The following MYLK variants were observed in gnomAD, a reference collection of about 807,000 sequenced individuals.
MYLK encodes the protein myosin light chain kinase, also known as myosin light chain kinase, smooth muscle.
A neutral mutation model predicts 203.4 loss-of-function variants in MYLK; 106 were observed. The ratio of observed to expected loss-of-function variants is 0.52; its 90% CI spans 0.45 to 0.61. The LOEUF (loss-of-function observed/expected upper bound fraction) is 0.61, where lower values mean the gene tolerates loss of function less well. Among genes scored for constraint, MYLK ranks in the 20% least tolerant of loss-of-function variants. The pLI, the probability that MYLK is intolerant of heterozygous loss-of-function variation, is 0.00. For synonymous variants in MYLK, 867 were observed against 959.5 expected, an observed-to-expected ratio of 0.90 and a Z score of 1.78; for missense variants, 2,072 against 2,442.3, an observed-to-expected ratio of 0.85 and a Z score of 3.20.
At chr3:123,764,718 G>A (rs905241888) in intron 4 of MYLK, among the ~76,000 whole-genome samples, 2 of 152,190 alleles carry the variant, frequency 1.3e-5, no homozygotes, top group African/African-American at 4.8e-5. Flanking sequence ...AGGAGGAGAG[G>A]GGTCTGGGGC....
At chr3:123,770,166 A>C (rs1389646872) in intron 4 of MYLK, among the ~76,000 whole-genome samples, 1 of 151,754 alleles carries the variant, frequency 6.6e-6, no homozygotes, top group Non-Finnish European at 1.5e-5. Flanking sequence ...CAAAAAAAAA[A>C]AAAAAAAATT....
intron 3 of MYLK, among the ~76,000 whole-genome samples, chr3:123,818,950 C>G (rs907297807): frequency 5.9e-5 from 9 of 152,164 alleles, no homozygotes; most frequent in Non-Finnish European, 7.3e-5. Context: ...AGTCCTCCAC[C>G]TAGATATTCC....
chr3:123,737,516 G>C lies in MYLK; in HGVS notation c.616C>G (p.Arg206Gly). The change falls in exon 8 of 34, where the codon CGT (arginine) becomes GGT (glycine). Residue 206 changes from arginine (R) to glycine (G), a missense_variant. This residue lies in a region of MYLK where 683 missense variants were observed against 643.8 expected (regional missense o/e 1.06). Coordinates refer to ENST00000360304, the MANE Select transcript of MYLK (RefSeq NM_053025.4). ...KGNVPLQPSARVSVSEKNGMQ... is the reference protein window; with the variant it reads ...KGNVPLQPSAGVSVSEKNGMQ... ...CCGTTCTTCTCAGACACAGACACACGGGCACTCGGCTGCAGTGGAACATTT... is the reference window on the plus strand; with the variant it reads ...CCGTTCTTCTCAGACACAGACACACCGGCACTCGGCTGCAGTGGAACATTT... The C allele has an allele frequency of 6.2e-7, 1 of 1,614,104 alleles. No homozygotes were observed. Among genetic ancestry groups the C allele is most frequent in the Non-Finnish European group, 8.5e-7 (1 of 1,180,024 alleles).
chr3:123,666,774 C>G (rs2059748435), intron 21 of MYLK: 1 of 519,018 alleles, frequency 1.9e-6, no homozygotes, highest in South Asian at 2.3e-5. Context: ...CAAGGACACA[C>G]AGAGCTGGGC....
At chr3:123,810,366 T>C (rs561939164) in intron 3 of MYLK, among the ~76,000 whole-genome samples, 1 of 152,280 alleles carries the variant, frequency 6.6e-6, no homozygotes, top group Admixed American at 6.5e-5. Flanking sequence ...AAGAGTTCAA[T>C]CTGCATCTCC....
In MYLK at chr3:123,629,586, C is replaced by T. The variant is rs750437332; in HGVS notation, c.5002G>A (p.Glu1668Lys). Residue 1668 changes from glutamate (E) to lysine (K), a missense_variant, in exon 30 of 34, where the codon GAA (glutamate) becomes AAA (lysine). By Grantham distance (56) the Glu-to-Lys change is moderately conservative (BLOSUM62 1). This residue lies in a region of MYLK where 524 missense variants were observed against 782.4 expected (regional missense o/e 0.67). Transcript: ENST00000360304. The surrounding 1 kb of genome is among the most constrained non-coding windows in gnomAD (Gnocchi z 4.4). ...GCTGAGGTAACGTTGGCCAAGGTTT[C>T]GTTATCGTTGTCTCCCATGAAGGGG... ...LSPFMGDNDN[E>K]TLANVTSATW... 9.9e-6 allele frequency: 16 copies of T among 1,613,996 alleles called. No individual in the cohort carries two copies. The highest frequency in any genetic ancestry group is 8.0e-5 in the African/African-American group (6 of 74,910).
At chr3:123,663,403 G>A (rs966442835) in intron 23 of MYLK, among the ~76,000 whole-genome samples, 1 of 152,108 alleles carries the variant, frequency 6.6e-6, no homozygotes, top group South Asian at 2.1e-4. Context: ...AATGGGGCGT[G>A]GGGGTGAGGC....
At chr3:123,823,699 C>T (rs562690544) in intron 3 of MYLK, among the ~76,000 whole-genome samples, 2 of 151,754 alleles carry the variant, frequency 1.3e-5, no homozygotes, top group Admixed American at 1.3e-4. Flanking sequence ...CCACTTAACA[C>T]CCTCCAATGG....
chr3:123,681,916 G>A (rs1378718303), intron 20 of MYLK: 3 of 431,956 alleles, frequency 6.9e-6, no homozygotes, highest in Non-Finnish European at 1.3e-5. Context: ...CTCTCCTAGA[G>A]TCTTGGTGGG....
At position 123,648,169 on chromosome 3, in the gene MYLK, G is replaced by A. The variant is rs1384262548; in HGVS notation, c.4416-742C>T. Among the ~76,000 whole-genome samples the A allele has an allele frequency of 1.3e-5, 2 of 152,158 alleles. No individual in the cohort carries two copies. The highest frequency in any genetic ancestry group is 2.4e-5 in the African/African-American group (1 of 41,426). On this transcript the variant is annotated intron_variant, in intron 26 of 33. Coordinates refer to ENST00000360304, the MANE Select transcript of MYLK (RefSeq NM_053025.4). The surrounding 1 kb of genome is among the most constrained non-coding windows in gnomAD (Gnocchi z 4.5). ...AGAAACCACTGGAAATACAAGTGGA[G>A]TCCCACTCCTTTCTCTCCCACCTCT... is the stretch of plus-strand genomic sequence containing the variant.
chr3:123,751,173 C>G (rs942000012), intron 5 of MYLK, among the ~76,000 whole-genome samples: 5 of 152,168 alleles, frequency 3.3e-5, no homozygotes, highest in Non-Finnish European at 5.9e-5. Context: ...CGGGAAGGGT[C>G]AAGGGAACCT....
chr3:123,694,436 A>C (rs1413951220), intron 18 of MYLK, among the ~76,000 whole-genome samples: 1 of 152,150 alleles, frequency 6.6e-6, no homozygotes. Context: ...TCCTGGAGAG[A>C]GAACTTTCCA....
At chr3:123,711,215 G>A (rs1311899476) in intron 13 of MYLK, among the ~76,000 whole-genome samples, 1 of 152,172 alleles carries the variant, frequency 6.6e-6, no homozygotes, top group Non-Finnish European at 1.5e-5. Context: ...CAGGGGACGG[G>A]GGGTTGGATT....
chr3:123,741,418 G>C (rs754514729), intron 5 of MYLK, among the ~76,000 whole-genome samples: 2 of 152,190 alleles, frequency 1.3e-5, no homozygotes, highest in Non-Finnish European at 2.9e-5. Flanking sequence ...ATTCCTGAAA[G>C]TGTTTTGGTT....
rs1462137692 is a variant in MYLK at position 123,745,053 on chromosome 3, C to A, written c.374-5052G>T. Among the ~76,000 whole-genome samples the A allele has an allele frequency of 2.0e-5, 3 of 151,942 alleles. No homozygotes were observed. The East Asian group carries it at 5.8e-4, about 29-fold the overall frequency. On this transcript the variant is annotated intron_variant, in intron 5 of 33. Transcript: ENST00000360304. ...GAAAATTTGTGCAGAGTAAATTTTTCAAAAATTTTGGAGGATAGCTTCATT... is the reference window on the plus strand; with the variant it reads ...GAAAATTTGTGCAGAGTAAATTTTTAAAAAATTTTGGAGGATAGCTTCATT...
At position 123,739,990 on chromosome 3, in the gene MYLK, T is replaced by C; in HGVS notation, c.385A>G (p.Lys129Glu). The change falls in exon 6 of 34, where the codon AAG becomes GAG. Residue 129 changes from lysine (K) to glutamate (E), a missense_variant. Physicochemically the swap from Lys to Glu is moderately conservative, Grantham distance 56. This residue lies in a region of MYLK where 683 missense variants were observed against 643.8 expected (regional missense o/e 1.06). Coordinates refer to ENST00000360304, the MANE Select transcript of MYLK (RefSeq NM_053025.4). ...VELTVEGSFA[K>E]QLGQPVVSKT... ...GAAACAACAGGCTGACCAAGCTGCT[T>C]CGCAAAACTTCCTGCAAGAAAAAGA... 5 of 1,613,884 alleles carry C rather than the reference T, an allele frequency of 3.1e-6. No homozygotes were observed. Among genetic ancestry groups the C allele is most frequent in the Non-Finnish European group, 4.2e-6 (5 of 1,179,824 alleles).
chr3:123,816,316 C>T (rs1161262479), intron 3 of MYLK, among the ~76,000 whole-genome samples: 1 of 152,260 alleles, frequency 6.6e-6, no homozygotes, highest in Non-Finnish European at 1.5e-5. Flanking sequence ...GTTCTTGGAC[C>T]TCTTTCAGCT....
At chr3:123,673,166 T>C (rs111614165) in intron 20 of MYLK, among the ~76,000 whole-genome samples, 831 of 30,466 alleles carry the variant, frequency 0.027, 5 homozygotes, top group Non-Finnish European at 0.073. Context: ...CTTTTCTTTT[T>C]TTTTTTTTTT....
chr3:123,853,747 C>A (rs534254837), intron 2 of MYLK, among the ~76,000 whole-genome samples: 3 of 152,012 alleles, frequency 2.0e-5, no homozygotes, highest in African/African-American at 7.3e-5. Context: ...ATAAATAAGA[C>A]AGAGAGCTTA....
Sources: gnomAD v4.1 joint callset for allele counts (sites outside exome capture counted in the v4.1 genomes callset) on GRCh38, gnomAD v4.1.1 for gene constraint, gnomAD v4.1.1 regional missense constraint, Gnocchi (gnomAD v3.1) non-coding constraint, MANE v1.5 for transcripts, NCBI Gene and HGNC (gene_info 2026-07-23, HGNC 2026-07-21) for gene names.